The following SPATA22 variants were observed in gnomAD, a reference collection of about 807,000 sequenced individuals.
SPATA22 encodes the protein spermatogenesis-associated protein 22.
A neutral mutation model predicts 47.8 loss-of-function variants in SPATA22; 29 were observed. That is an observed-to-expected ratio of 0.61 (90% confidence interval 0.45 to 0.83). SPATA22 has a LOEUF of 0.83. SPATA22 is among the 40% of genes least tolerant of loss of function. The pLI, the probability that SPATA22 is intolerant of heterozygous loss-of-function variation, is 0.00. For synonymous variants in SPATA22, 133 were observed against 140.9 expected, an observed-to-expected ratio of 0.94 and a Z score of 0.40; for missense variants, 410 against 421.7, an observed-to-expected ratio of 0.97 and a Z score of 0.24.
At chr17:3,493,115 T>C (rs2073851543) in intron 1 of SPATA22, among the ~76,000 whole-genome samples, 2 of 152,160 alleles carry the variant, frequency 1.3e-5, no homozygotes, top group East Asian at 1.9e-4. Context: ...TGCTCAGAGA[T>C]AGCCTGGTAT....
At chr17:3,482,085 A>G (rs74251309) in intron 1 of SPATA22, among the ~76,000 whole-genome samples, 1 of 152,150 alleles carries the variant, frequency 6.6e-6, no homozygotes, top group African/African-American at 2.4e-5. Flanking sequence ...TTTTATCCAG[A>G]CAGCCACCAG....
At chr17:3,476,273 C>G, upstream of SPATA22, 1 of 1,614,118 alleles carries the variant, frequency 6.2e-7, no homozygotes, top group Non-Finnish European at 8.5e-7. Flanking sequence ...TAGAGAATGG[C>G]GCTGAGATTC....
intron 1 of SPATA22, chr17:3,511,615 A>T (rs1302108531): frequency 5.3e-5 from 8 of 152,236 alleles, no homozygotes; most frequent in Admixed American, 5.2e-4. Context: ...AGAATATCCA[A>T]TACAGAAAAT....
At chr17:3,442,264 T>C (rs1391237991) in intron 8 of SPATA22, among the ~76,000 whole-genome samples, 1 of 152,062 alleles carries the variant, frequency 6.6e-6, no homozygotes, top group Non-Finnish European at 1.5e-5. Context: ...TGTATATTCA[T>C]GTTTCATCAT....
At chr17:3,504,692 G>C (rs954498934) in intron 1 of SPATA22, among the ~76,000 whole-genome samples, 6 of 151,986 alleles carry the variant, frequency 3.9e-5, no homozygotes, top group African/African-American at 1.5e-4. Flanking sequence ...TGAGTAGCTG[G>C]GATTATAGGC....
chr17:3,447,919 GAC>G (rs2072763819), intron 6 of SPATA22, among the ~76,000 whole-genome samples: 1 of 152,194 alleles, frequency 6.6e-6, no homozygotes, highest in South Asian at 2.1e-4. Flanking sequence ...CACTACATAG[GAC>G]AGTTCAGCCT....
chr17:3,444,830 G>A (rs1186084509), intron 7 of SPATA22, among the ~76,000 whole-genome samples: 1 of 152,078 alleles, frequency 6.6e-6, no homozygotes, highest in Non-Finnish European at 1.5e-5. Flanking sequence ...CTAAAGTGTA[G>A]TAAAATGAAG....
chr17:3,494,660 C>A (rs1400950554), intron 1 of SPATA22, among the ~76,000 whole-genome samples: 1 of 152,076 alleles, frequency 6.6e-6, no homozygotes, highest in Non-Finnish European at 1.5e-5. Flanking sequence ...GTGGACACAC[C>A]AGTAAGTATG....
chr17:3,467,204 C>T (rs528754518), intron 3 of SPATA22, among the ~76,000 whole-genome samples: 113 of 152,222 alleles, frequency 7.4e-4, no homozygotes, highest in African/African-American at 2.6e-3. Flanking sequence ...AGAACAAAGA[C>T]TCCAAATCTA....
At position 3,462,567 on chromosome 17, in the gene SPATA22, T is replaced by C; in HGVS notation, c.245A>G (p.His82Arg). The C allele has an allele frequency of 6.2e-7, 1 of 1,612,708 alleles. No individual in the cohort carries two copies. Among genetic ancestry groups the C allele is most frequent in the Non-Finnish European group, 8.5e-7 (1 of 1,179,238 alleles). The change falls in exon 5 of 9, where the codon CAT (histidine) becomes CGT (arginine). Residue 82 changes from histidine (H) to arginine (R), a missense_variant. Transcript: ENST00000572969. Reference sequence around the variant, plus strand: ...ACTTCTCAGAGGACGAGAAACTGAATGTGGTATTTGCCTTTCAAGGGAATA... The same window carrying C: ...ACTTCTCAGAGGACGAGAAACTGAACGTGGTATTTGCCTTTCAAGGGAATA... ...MKTVDTGQIP[H>R]SVSRPLRSQD...
upstream of SPATA22, chr17:3,474,029 T>C (rs1048554412): frequency 5.3e-5 from 8 of 152,100 alleles, no homozygotes; most frequent in Non-Finnish European, 7.4e-5. Context: ...CAAGTACACT[T>C]TGGGAAACAG....
chr17:3,471,237 C>T (rs938941211), intron 1 of SPATA22, among the ~76,000 whole-genome samples: 7 of 152,092 alleles, frequency 4.6e-5, no homozygotes, highest in Admixed American at 6.5e-5. Flanking sequence ...ATATTCTTGG[C>T]GCCATCCTAG....
intron 5 of SPATA22, among the ~76,000 whole-genome samples, chr17:3,458,216 A>G (rs1325641801): frequency 6.6e-6 from 1 of 152,238 alleles, no homozygotes; most frequent in African/African-American, 2.4e-5. Context: ...GGTATATAAA[A>G]AGGTACTCAA....
At chr17:3,475,871 C>T (rs1430659552), upstream of SPATA22, 2 of 432,988 alleles carry the variant, frequency 4.6e-6, no homozygotes, top group African/African-American at 4.0e-5. Flanking sequence ...GTATTTAGAT[C>T]TACTGACCAT....
intron 1 of SPATA22, chr17:3,481,515 C>A: frequency 1.6e-6 from 2 of 1,247,086 alleles, no homozygotes; most frequent in Non-Finnish European, 2.3e-6. Flanking sequence ...GATTTGGCGA[C>A]TGGTTCTTTT....
chr17:3,455,696 T>G (rs1368610939), intron 5 of SPATA22, among the ~76,000 whole-genome samples: 22 of 145,082 alleles, frequency 1.5e-4, no homozygotes, highest in Non-Finnish European at 3.0e-4. Context: ...TTGGTTACTG[T>G]AGCCTTGTAG....
upstream of SPATA22, among the ~76,000 whole-genome samples, chr17:3,476,659 A>G (rs2073528706): frequency 6.6e-6 from 1 of 152,228 alleles, no homozygotes; most frequent in Non-Finnish European, 1.5e-5. Flanking sequence ...GACTGAGACA[A>G]TAAATAGAAA....
At chr17:3,456,186 G>A (rs1201758787) in intron 5 of SPATA22, among the ~76,000 whole-genome samples, 2 of 151,942 alleles carry the variant, frequency 1.3e-5, no homozygotes, top group East Asian at 1.9e-4. Flanking sequence ...AAGGCAAGAA[G>A]TAACTAAAAT....
rs184419658 is a variant in SPATA22 at position 3,490,427 on chromosome 17, A to G, written c.-73-21029T>C. Among the ~76,000 whole-genome samples the G allele has an allele frequency of 6.6e-6, 1 of 152,366 alleles. No homozygotes were observed. The highest frequency in any genetic ancestry group is 1.5e-5 in the Non-Finnish European group (1 of 68,040). On this transcript the variant is annotated intron_variant, in intron 1 of 8. Transcript: ENST00000541913. The surrounding 1 kb of genome is among the most constrained non-coding windows in gnomAD (Gnocchi z 4.6). ...ATCAAAGAGACATTCTATGTAAACA[A>G]TTATTCCAACAGACTGAGTTGAAAT...
Sources: gnomAD v4.1 joint callset for allele counts (sites outside exome capture counted in the v4.1 genomes callset) on GRCh38, gnomAD v4.1.1 for gene constraint, Gnocchi (gnomAD v3.1) non-coding constraint, MANE v1.5 for transcripts, NCBI Gene and HGNC (gene_info 2026-07-23, HGNC 2026-07-21) for gene names.